IL1RAPL2: variants seen among roughly 807,000 people sequenced by gnomAD.
IL1RAPL2 encodes X-linked interleukin-1 receptor accessory protein-like 2.
In IL1RAPL2, 3 loss-of-function variants were observed where a neutral mutation model predicts 44.1. That is an observed-to-expected ratio of 0.07 (90% CI 0.03 to 0.18). IL1RAPL2 has a LOEUF of 0.18. Ranked by LOEUF, IL1RAPL2 falls within the 10% of genes least tolerant of loss-of-function variation. The probability of loss-of-function intolerance (pLI) is 1.00; values close to 1 mark genes in which losing one functional copy is unlikely to be tolerated. For missense variants in IL1RAPL2, 391 were observed against 496.4 expected, an observed-to-expected ratio of 0.79 and a Z score of 2.02; for synonymous variants, 181 against 178.8, an observed-to-expected ratio of 1.01 and a Z score of -0.10.
At chrX:105,643,325 A>G (rs2037582036) in intron 6 of IL1RAPL2, among the ~76,000 whole-genome samples, 1 of 111,979 alleles carries the variant, frequency 8.9e-6, no homozygotes, top group South Asian at 3.7e-4. Context: ...CAAGCATTAG[A>G]ACCAGAGTTT....
chrX:104,780,068 GTTC>G (rs1185929659), intron 2 of IL1RAPL2, among the ~76,000 whole-genome samples: 4 of 111,371 alleles, frequency 3.6e-5, no homozygotes, highest in Non-Finnish European at 7.5e-5. Context: ...GCATAAAGGT[GTTC>G]TTCTCCCTCT....
rs1365861855 is a variant in IL1RAPL2 at position 104,700,358 on chromosome X, T to C, written c.82+41363T>C. 3.6e-5 allele frequency among the ~76,000 whole-genome samples: 4 copies of C among 111,701 alleles called. No individual in the cohort carries two copies. The Admixed American group carries it at 3.8e-4, about 11-fold the overall frequency. ...ATTTTCAGAGGACCTACTTTCTTTC[T>C]CTCCTCCTGAAAACTGGCTTTCTAA... is the stretch of plus-strand genomic sequence containing the variant. On this transcript the variant is annotated intron_variant, in intron 2 of 10. Transcript: ENST00000372582.
At chrX:104,676,167 G>A (rs1485426201) in intron 2 of IL1RAPL2, among the ~76,000 whole-genome samples, 8 of 110,672 alleles carry the variant, frequency 7.2e-5, no homozygotes, top group Admixed American at 9.6e-5. Context: ...TATTTTGCTC[G>A]TTAGTTGATG....
chrX:105,018,431 C>T (rs1365588862), intron 2 of IL1RAPL2, among the ~76,000 whole-genome samples: 1 of 111,574 alleles, frequency 9.0e-6, no homozygotes, highest in African/African-American at 3.3e-5. Context: ...GTTGCCTTCT[C>T]TTGTACTTCC....
intron 6 of IL1RAPL2, among the ~76,000 whole-genome samples, chrX:105,587,328 G>A (rs2037136118): frequency 9.0e-6 from 1 of 111,048 alleles, no homozygotes; most frequent in African/African-American, 3.3e-5. Context: ...AAATATATAT[G>A]TGACTTTTTG....
chrX:105,340,498 C>G (rs1247470772), intron 5 of IL1RAPL2, among the ~76,000 whole-genome samples: 3 of 112,012 alleles, frequency 2.7e-5, no homozygotes, highest in Non-Finnish European at 5.6e-5. Flanking sequence ...ATATCTGGTA[C>G]TTGGATACCA....
intron 2 of IL1RAPL2, among the ~76,000 whole-genome samples, chrX:105,088,924 G>C (rs1036082120): frequency 1.8e-5 from 2 of 111,309 alleles, no homozygotes; most frequent in African/African-American, 6.5e-5. Context: ...GTCACTTAAA[G>C]TTTTGTGAAT....
At chrX:105,048,005 A>C (rs1341006423) in intron 2 of IL1RAPL2, among the ~76,000 whole-genome samples, 1 of 111,747 alleles carries the variant, frequency 8.9e-6, no homozygotes, top group African/African-American at 3.3e-5. Flanking sequence ...TATCTGTTTT[A>C]GAAACGACTT....
At chrX:105,350,816 A>T (rs963971796) in intron 5 of IL1RAPL2, among the ~76,000 whole-genome samples, 17 of 112,400 alleles carry the variant, frequency 1.5e-4, no homozygotes, top group African/African-American at 4.5e-4. Flanking sequence ...AGGAAAAGAA[A>T]CTATCCTCAG....
intron 5 of IL1RAPL2, among the ~76,000 whole-genome samples, chrX:105,456,275 G>A (rs1333347774): frequency 1.8e-5 from 2 of 111,970 alleles, no homozygotes; most frequent in African/African-American, 6.5e-5. Flanking sequence ...AACACGGATA[G>A]TTTGACTTCC....
intron 1 of IL1RAPL2, among the ~76,000 whole-genome samples, chrX:104,586,457 A>G (rs1928566679): frequency 9.0e-6 from 1 of 111,706 alleles, no homozygotes. Context: ...ATTAGATCCT[A>G]TGTTTCAATA....
chrX:105,369,881 G>T (rs147079117), intron 5 of IL1RAPL2, among the ~76,000 whole-genome samples: 3 of 111,225 alleles, frequency 2.7e-5, no homozygotes, highest in African/African-American at 6.6e-5. Flanking sequence ...TCCTGTTAGA[G>T]CAAGCAGAAT....
chrX:105,677,212 G>A (rs369148421), intron 6 of IL1RAPL2, among the ~76,000 whole-genome samples: 2 of 111,891 alleles, frequency 1.8e-5, no homozygotes, highest in Non-Finnish European at 3.8e-5. Context: ...GATTACAAGG[G>A]AAAATTGTCA....
intron 1 of IL1RAPL2, among the ~76,000 whole-genome samples, chrX:104,610,853 G>A (rs371570027): frequency 2.7e-5 from 3 of 111,820 alleles, no homozygotes; most frequent in Non-Finnish European, 5.6e-5. Flanking sequence ...AAAGATGGAG[G>A]CATCACGCTA....
intron 2 of IL1RAPL2, among the ~76,000 whole-genome samples, chrX:104,804,942 CATT>C (rs1235662898): frequency 8.9e-6 from 1 of 111,918 alleles, no homozygotes; most frequent in Admixed American, 9.5e-5. Flanking sequence ...TGAGACAAAA[CATT>C]ATTATTTGAC....
At chrX:105,246,944 C>T (rs769215459) in intron 4 of IL1RAPL2, among the ~76,000 whole-genome samples, 1 of 111,209 alleles carries the variant, frequency 9.0e-6, no homozygotes, top group African/African-American at 3.3e-5. Flanking sequence ...TGGGGCTGAA[C>T]AACACAAAAT....
At chrX:104,705,119 A>G (rs1931343217) in intron 2 of IL1RAPL2, among the ~76,000 whole-genome samples, 1 of 111,656 alleles carries the variant, frequency 9.0e-6, no homozygotes, top group Non-Finnish European at 1.9e-5. Context: ...CTGAATGCAT[A>G]CCATGAGTCA....
intron 9 of IL1RAPL2, among the ~76,000 whole-genome samples, 175 bp downstream of exon 9, chrX:105,749,278 G>C (rs1356481107): frequency 8.9e-6 from 1 of 112,121 alleles, no homozygotes; most frequent in Non-Finnish European, 1.9e-5. Flanking sequence ...GAAAAGAGGA[G>C]AATATATTGA....
intron 2 of IL1RAPL2, among the ~76,000 whole-genome samples, chrX:105,099,196 T>C (rs2147559099): frequency 8.9e-6 from 1 of 112,124 alleles, no homozygotes; most frequent in East Asian, 2.8e-4. Context: ...TTTGTAGTGC[T>C]ACAAAGAAGT....
Sources: gnomAD v4.1 joint callset for allele counts (sites outside exome capture counted in the v4.1 genomes callset) on GRCh38, gnomAD v4.1.1 for gene constraint, MANE v1.5 for transcripts, NCBI Gene and HGNC (gene_info 2026-07-23, HGNC 2026-07-21) for gene names.